TRABD2B: variants seen among roughly 807,000 people sequenced by gnomAD.
TRABD2B encodes the protein metalloprotease TIKI2.
TRABD2B carries 14 observed loss-of-function variants against 40.1 expected under a neutral mutation model. That is an observed-to-expected ratio of 0.35 (90% CI 0.23 to 0.55). The LOEUF is 0.55. Ranked by LOEUF, TRABD2B falls within the 20% of genes least tolerant of loss-of-function variation. The pLI is 0.90. For missense variants in TRABD2B, 541 were observed against 648.6 expected (o/e 0.83, Z 1.80); for synonymous variants, 263 against 277.0 (o/e 0.95, Z 0.50).
At chr1:47,891,980 T>C (rs1459998592) in intron 2 of TRABD2B, among the ~76,000 whole-genome samples, 8 of 152,216 alleles carry the variant, frequency 5.3e-5, no homozygotes, top group Non-Finnish European at 8.8e-5. Flanking sequence ...CACATTAGGA[T>C]TTAGCTTTTG....
rs112455095 is a variant in TRABD2B, at chr1:47,884,765, G to A, written c.667-83146C>T. On this transcript the variant is annotated intron_variant, in intron 2 of 6. Transcript: ENST00000606738. Reference sequence around the variant, plus strand: ...CAAGTAGCTGGGACTACAGGTGCGCGCCACTATGCCCGGCTAATTTTTGTA... The same window carrying A: ...CAAGTAGCTGGGACTACAGGTGCGCACCACTATGCCCGGCTAATTTTTGTA... Among the ~76,000 whole-genome samples the A allele has an allele frequency of 9.2e-5, 14 of 151,960 alleles. 2 individuals are homozygous for A. Among genetic ancestry groups the A allele is most frequent in the African/African-American group, 2.4e-4 (10 of 41,426 alleles).
rs1025969480 is a variant in TRABD2B, at chr1:47,784,484, C to G, written c.989-5940G>C. ...GGCTCCAAAGCAGCACTGGCTCCCCCCGATCAGCACACATGTTTTCTCTCC... is the reference window on the plus strand; with the variant it reads ...GGCTCCAAAGCAGCACTGGCTCCCCGCGATCAGCACACATGTTTTCTCTCC... On this transcript the variant is annotated intron_variant, in intron 4 of 6. Coordinates refer to ENST00000606738, the MANE Select transcript of TRABD2B (RefSeq NM_001194986.2). Among the ~76,000 whole-genome samples, 3 of 152,198 alleles carry G rather than the reference C, an allele frequency of 2.0e-5. No homozygotes were observed. In the East Asian group the frequency reaches 5.8e-4, roughly 29 times the overall value.
intron 2 of TRABD2B, among the ~76,000 whole-genome samples, chr1:47,859,879 C>A (rs1332116701): frequency 6.6e-6 from 1 of 152,192 alleles, no homozygotes; most frequent in African/African-American, 2.4e-5. Flanking sequence ...TTAACCAAAC[C>A]CTCAGATTCA....
At chr1:47,936,288 C>G (rs1645105578) in intron 2 of TRABD2B, among the ~76,000 whole-genome samples, 2 of 152,174 alleles carry the variant, frequency 1.3e-5, no homozygotes, top group African/African-American at 2.4e-5. Context: ...GATGAAATAA[C>G]AGGCCACCCT....
intron 2 of TRABD2B, among the ~76,000 whole-genome samples, chr1:47,912,461 C>A (rs556717362): frequency 1.3e-5 from 2 of 152,176 alleles, no homozygotes; most frequent in Non-Finnish European, 2.9e-5. Flanking sequence ...TAAAACCCAG[C>A]CGTCTTTTGG....
chr1:47,989,361 C>T (rs188908091), intron 2 of TRABD2B, among the ~76,000 whole-genome samples: 11 of 152,284 alleles, frequency 7.2e-5, no homozygotes, highest in Non-Finnish European at 1.3e-4. Context: ...CATGGTGGAA[C>T]GGAATCAGGG....
At chr1:47,929,862 T>G (rs1302309547) in intron 2 of TRABD2B, among the ~76,000 whole-genome samples, 17 of 152,168 alleles carry the variant, frequency 1.1e-4, no homozygotes, top group Non-Finnish European at 1.5e-5. Flanking sequence ...TTTAGCCAAA[T>G]GGGCCTGTCA....
chr1:47,927,814 A>G (rs1644989688), intron 2 of TRABD2B, among the ~76,000 whole-genome samples: 1 of 152,208 alleles, frequency 6.6e-6, no homozygotes, highest in African/African-American at 2.4e-5. Flanking sequence ...CTTTGCATAG[A>G]AACTGAATGG....
At chr1:47,914,874 G>A (rs930720567) in intron 2 of TRABD2B, among the ~76,000 whole-genome samples, 1 of 152,206 alleles carries the variant, frequency 6.6e-6, no homozygotes, top group African/African-American at 2.4e-5. Context: ...CTGAATGCTG[G>A]GGGGGCAAGG....
At chr1:47,878,869 G>A (rs921136002) in intron 2 of TRABD2B, among the ~76,000 whole-genome samples, 1 of 152,146 alleles carries the variant, frequency 6.6e-6, no homozygotes, top group Non-Finnish European at 1.5e-5. Context: ...GGCTGAGGTA[G>A]GAGAATTGCT....
At chr1:47,902,682 T>C (rs1200602851) in intron 2 of TRABD2B, among the ~76,000 whole-genome samples, 1 of 151,896 alleles carries the variant, frequency 6.6e-6, no homozygotes, top group African/African-American at 2.4e-5. Flanking sequence ...AGAGTCGGGG[T>C]CTTACCATGT....
chr1:47,921,570 C>T (rs912148171), intron 2 of TRABD2B, among the ~76,000 whole-genome samples: 1 of 152,198 alleles, frequency 6.6e-6, no homozygotes, highest in African/African-American at 2.4e-5. Context: ...TATTTTAGAA[C>T]TGGATTATTC....
At chr1:47,967,015 G>A (rs1326512968) in intron 2 of TRABD2B, among the ~76,000 whole-genome samples, 1 of 152,078 alleles carries the variant, frequency 6.6e-6, no homozygotes, top group Non-Finnish European at 1.5e-5. Flanking sequence ...TCTTAAAAAT[G>A]GGAGAAAAAC....
intron 2 of TRABD2B, among the ~76,000 whole-genome samples, chr1:47,927,634 T>A (rs1028138436): frequency 7.2e-5 from 11 of 152,176 alleles, no homozygotes; most frequent in Admixed American, 2.6e-4. Flanking sequence ...GTCCTCCCCA[T>A]TAGGGGAAAT....
intron 2 of TRABD2B, among the ~76,000 whole-genome samples, chr1:47,829,048 G>A (rs537370949): frequency 7.2e-5 from 11 of 152,182 alleles, no homozygotes; most frequent in African/African-American, 2.4e-4. Flanking sequence ...GGGGAGGGCA[G>A]GGAGGGTCAT....
intron 3 of TRABD2B, among the ~76,000 whole-genome samples, chr1:47,799,583 G>C (rs1247894215): frequency 6.6e-6 from 1 of 152,194 alleles, no homozygotes; most frequent in Non-Finnish European, 1.5e-5. Flanking sequence ...GCTGGGCAAC[G>C]GGGACCAAGA....
chr1:47,972,454 A>G (rs913497951), intron 2 of TRABD2B, among the ~76,000 whole-genome samples: 4 of 150,004 alleles, frequency 2.7e-5, no homozygotes, highest in Admixed American at 2.7e-4. Flanking sequence ...TCTGGGAGGT[A>G]ATAGGCCATG....
At chr1:47,882,948 G>A (rs904626323) in intron 2 of TRABD2B, among the ~76,000 whole-genome samples, 3 of 152,118 alleles carry the variant, frequency 2.0e-5, no homozygotes, top group Non-Finnish European at 4.4e-5. Flanking sequence ...CCCCCGGCAG[G>A]TCTCGCAGTA....
At chr1:47,783,633 C>CAA (rs1644555827) in intron 4 of TRABD2B, among the ~76,000 whole-genome samples, 1 of 152,232 alleles carries the variant, frequency 6.6e-6, no homozygotes, top group African/African-American at 2.4e-5. Context: ...CACTTATATA[C>CAA]AAACAGGAAG....
Sources: gnomAD v4.1 joint callset for allele counts (sites outside exome capture counted in the v4.1 genomes callset) on GRCh38, gnomAD v4.1.1 for gene constraint, MANE v1.5 for transcripts, NCBI Gene and HGNC (gene_info 2026-07-23, HGNC 2026-07-21) for gene names.